Variants in LRP4 observed in about 807,000 individuals in gnomAD.
LRP4 encodes the protein LDL receptor related protein 4, also known as low-density lipoprotein receptor-related protein 4.
Under a neutral mutation model 220.3 loss-of-function variants are expected in LRP4, and 95 were observed. That is an observed-to-expected ratio of 0.43 (90% CI 0.37 to 0.51). The LOEUF (loss-of-function observed/expected upper bound fraction) is 0.51. Among genes scored for constraint, LRP4 ranks in the 20% least tolerant of loss-of-function variants. The pLI is 0.00. For synonymous variants in LRP4, 903 were observed against 954.6 expected (o/e 0.95, Z 1.00); for missense variants, 1,925 against 2,567.0 (o/e 0.75, Z 5.40).
At chr11:46,888,723 T>C (rs909693075) in intron 16 of LRP4, among the ~76,000 whole-genome samples, 3 of 152,100 alleles carry the variant, frequency 2.0e-5, no homozygotes, top group Non-Finnish European at 2.9e-5. Flanking sequence ...AGAGGGTCAG[T>C]GGGGTACACA....
chr11:46,899,052 G>A lies in LRP4; in HGVS notation c.548-20C>T, dbSNP rs1267038625. On this transcript the variant is annotated intron_variant, in intron 5 of 37. Coordinates refer to ENST00000378623, the MANE Select transcript of LRP4 (RefSeq NM_002334.4). This position sits in a 1 kb window ranked among gnomAD's most constrained non-coding sequence, Gnocchi z 5.9. ...CTGAGGCTGGAGGGAAGGCAGGGGTGGGGAGGGGCACACACTCAGGCCTGG... is the reference window on the plus strand; with the variant it reads ...CTGAGGCTGGAGGGAAGGCAGGGGTAGGGAGGGGCACACACTCAGGCCTGG... The A allele has an allele frequency of 1.2e-6, 2 of 1,606,928 alleles. No individual in the cohort carries two copies. Among genetic ancestry groups the A allele is most frequent in the Admixed American group, 1.7e-5 (1 of 59,872 alleles).
At chr11:46,885,502 G>A (rs150279158) in intron 18 of LRP4, among the ~76,000 whole-genome samples, 18 of 152,174 alleles carry the variant, frequency 1.2e-4, no homozygotes, top group East Asian at 5.8e-4. Flanking sequence ...GGCTAGGCGC[G>A]GTGGCTCACA....
chr11:46,898,487 G>A (rs1256059839), intron 7 of LRP4, 71 bp downstream of exon 7: 2 of 1,601,838 alleles, frequency 1.2e-6, no homozygotes, highest in Non-Finnish European at 1.7e-6. Flanking sequence ...CGCCCAGCCG[G>A]TAGTGGCCTC....
In LRP4 at chr11:46,898,599, C is replaced by T. The variant is rs1941595285; in HGVS notation, c.755G>A (p.Gly252Asp). 6.2e-7 allele frequency: 1 copy of T among 1,614,214 alleles called. No homozygotes were observed. Among genetic ancestry groups the T allele is most frequent in the Admixed American group, 1.7e-5 (1 of 60,038 alleles). ...AGACTGGTCATCACAGTCCGCGTCA[C>T]CATCGCAGCGCCAGCCTGCATTGAT... ...LCINAGWRCDGDADCDDQSDE... is the reference protein window; with the variant it reads ...LCINAGWRCDDDADCDDQSDE... Residue 252 changes from glycine to aspartate, a missense_variant, in exon 7 of 38, where the codon GGT (glycine) becomes GAT (aspartate). By Grantham distance (94) the Gly-to-Asp change is moderately conservative. This residue lies in a region of LRP4 where 412 missense variants were observed against 505.4 expected (regional missense o/e 0.82). Coordinates refer to ENST00000378623, the MANE Select transcript of LRP4 (RefSeq NM_002334.4).
intron 12 of LRP4, among the ~76,000 whole-genome samples, chr11:46,894,321 T>C (rs540568618): frequency 6.6e-6 from 1 of 152,344 alleles, no homozygotes; most frequent in South Asian, 2.1e-4. Context: ...AACTCTGTCA[T>C]CCATAAATCT....
At chr11:46,909,781 C>A (rs533096201) in intron 1 of LRP4, among the ~76,000 whole-genome samples, 1 of 151,986 alleles carries the variant, frequency 6.6e-6, no homozygotes, top group African/African-American at 2.4e-5. Context: ...CTTGTGAAAG[C>A]TGGAGTCAAA....
chr11:46,912,427 C>A (rs1189745729), intron 1 of LRP4, among the ~76,000 whole-genome samples: 2 of 152,152 alleles, frequency 1.3e-5, no homozygotes, highest in East Asian at 3.8e-4. Context: ...GAGTTGTTGG[C>A]TTTTATTGGC....
chr11:46,900,938 T>C (rs7110643), intron 2 of LRP4, among the ~76,000 whole-genome samples: 149,450 of 152,194 alleles, frequency 0.98, 73,395 homozygotes, highest in East Asian at 1. Flanking sequence ...AGGTGCCCGC[T>C]GCCACACCCA....
chr11:46,883,635 C>T (rs1220425706), intron 19 of LRP4, among the ~76,000 whole-genome samples: 3 of 152,214 alleles, frequency 2.0e-5, no homozygotes, highest in African/African-American at 7.2e-5. Context: ...CCCCTGATTT[C>T]TTACTTCACA....
At chr11:46,893,175 C>T (rs1351718712) in intron 12 of LRP4, 46 bp from the exon 13 acceptor site, 1 of 1,612,022 alleles carries the variant, frequency 6.2e-7, no homozygotes, top group South Asian at 1.1e-5. Flanking sequence ...CAACCCAGGC[C>T]CCCATGTCCC....
At chr11:46,865,916 T>C (rs1462458380) in intron 34 of LRP4, among the ~76,000 whole-genome samples, 1 of 152,250 alleles carries the variant, frequency 6.6e-6, no homozygotes, top group Non-Finnish European at 1.5e-5. Context: ...TGTTTATACC[T>C]GGGTGTTTCC....
chr11:46,896,453 G>C (rs941296175), intron 8 of LRP4, 118 bp from the exon 9 acceptor site: 3 of 1,312,290 alleles, frequency 2.3e-6, no homozygotes, highest in Middle Eastern at 1.8e-4. Flanking sequence ...GGAGGGTGAG[G>C]GTCCTGGGCA....
At position 46,863,584 on chromosome 11, in the gene LRP4, CAAAAAAAAAAAAA is replaced by C. The variant is rs55744712; in HGVS notation, c.5244-850_5244-838del. Among the ~76,000 whole-genome samples, 383 of 54,146 alleles carry C rather than the reference CAAAAAAAAAAAAA, an allele frequency of 7.1e-3. 2 individuals are homozygous for C. The highest frequency in any genetic ancestry group is 0.022 in the African/African-American group (363 of 16,564). The allele number at this position is 54,146 out of a possible 152,430, so 35.5% of individuals were successfully genotyped here. ...AGAAACCCTCTCTCTACTAAAAATA[CAAAAAAAAAAAAA>C]AAAAAAAAAAAATTAGCTGGGCATG... On this transcript the variant is annotated intron_variant, in intron 36 of 37. Transcript: ENST00000378623.
rs200272958 is a variant in LRP4 at position 46,876,576 on chromosome 11, G to T, written c.3426C>A (p.Asp1142Glu). ...DAIGRKVYWT[D>E]TGTNRIEVGN... ...CCACTTCAATCCGGTTTGTTCCCGT[G>T]TCTGTCCAGTATACTTTCCGGCCAA... Residue 1142 changes from aspartate to glutamate, a missense_variant, in exon 25 of 38, where the codon GAC (aspartate) becomes GAA (glutamate). Asp to Glu is a conservative substitution (Grantham distance 45, BLOSUM62 2). This residue lies in a region of LRP4 where 1,244 missense variants were observed against 1,624.9 expected (regional missense o/e 0.77). Transcript: ENST00000378623. 6.2e-7 allele frequency: 1 copy of T among 1,614,178 alleles called. No individual in the cohort carries two copies. The highest frequency in any genetic ancestry group is 1.7e-5 in the Admixed American group (1 of 60,024).
intron 19 of LRP4, among the ~76,000 whole-genome samples, chr11:46,883,089 C>A (rs1941200104): frequency 1.3e-5 from 2 of 152,118 alleles, no homozygotes; most frequent in South Asian, 4.1e-4. Context: ...AGAATTTTTA[C>A]TTTCTACAGA....
chr11:46,894,889 T>C, intron 11 of LRP4, 70 bp from the exon 12 acceptor site: 1 of 1,342,836 alleles, frequency 7.4e-7, no homozygotes, highest in East Asian at 2.3e-5. Flanking sequence ...TCAGCAGGTC[T>C]TCAGCTGACC....
rs1940587833 is a variant in LRP4, at chr11:46,862,624, C to T, written c.5367G>A (p.Gln1789=). The T allele has an allele frequency of 6.2e-7, 1 of 1,614,138 alleles. No homozygotes were observed. The highest frequency in any genetic ancestry group is 1.1e-5 in the South Asian group (1 of 91,074). The change falls in exon 37 of 38, where the codon CAG becomes CAA. Residue 1789 remains glutamine (Q), a synonymous_variant. Coordinates refer to ENST00000378623, the MANE Select transcript of LRP4 (RefSeq NM_002334.4). ...TTTTTACCTCTTTCTTATAGCACAG[C>T]TGGTTGTACATGGCTGGTTTGGGGA... is the stretch of plus-strand genomic sequence containing the variant. ...EAIPKPAMYN[Q]LCYKKEGGPD...
rs1223476227 is a variant in LRP4 at position 46,895,293 on chromosome 11, T to C, written c.1184-2A>G. 6.2e-7 allele frequency: 1 copy of C among 1,612,798 alleles called. No homozygotes were observed. The highest frequency in any genetic ancestry group is 1.7e-5 in the Admixed American group (1 of 60,022). On this transcript the variant is annotated splice_acceptor_variant, in intron 10 of 37. Transcript: ENST00000378623. LOFTEE classifies it high-confidence loss of function. Reference sequence around the variant, plus strand: ...CCTCCTCGGCACATTCATTCACATCTGGGAACACCAGGCAGGTCAAGAGAT... The same window carrying C: ...CCTCCTCGGCACATTCATTCACATCCGGGAACACCAGGCAGGTCAAGAGAT...
rs536287986 is a variant in LRP4 at position 46,879,740 on chromosome 11, A to G, written c.2815-425T>C. ...TCAAGGACATGACTTCACTTAGTGTAGTATTCCTGCTGCAAATGCACACTC... is the reference window on the plus strand; with the variant it reads ...TCAAGGACATGACTTCACTTAGTGTGGTATTCCTGCTGCAAATGCACACTC... On this transcript the variant is annotated intron_variant, in intron 20 of 37. Transcript: ENST00000378623. 4.6e-5 allele frequency among the ~76,000 whole-genome samples: 7 copies of G among 152,366 alleles called. No homozygotes were observed. The South Asian group carries it at 1.2e-3, about 27-fold the overall frequency.
Sources: allele counts gnomAD v4.1 joint callset (sites outside exome capture counted in the v4.1 genomes callset), GRCh38; gene constraint gnomAD v4.1.1; regional missense constraint gnomAD v4.1.1; non-coding constraint Gnocchi (gnomAD v3.1); transcripts MANE v1.5; gene names NCBI Gene and HGNC (gene_info 2026-07-23, HGNC 2026-07-21).